The following UST variants were observed in gnomAD, a reference collection of about 807,000 sequenced individuals.
The protein encoded by UST is chondroitin sulfate 2-O-sulfotransferase.
A neutral mutation model predicts 45.6 loss-of-function variants in UST; 21 were observed. The observed-to-expected ratio is 0.46, with a 90% CI of 0.33 to 0.66. The LOEUF is 0.66. Ranked by LOEUF, UST falls within the 30% of genes least tolerant of loss-of-function variation. UST has a pLI of 0.02. For synonymous variants in UST, 215 were observed against 200.6 expected (o/e 1.07, Z -0.61); for missense variants, 463 against 512.4 (o/e 0.90, Z 0.93).
chr6:149,071,018 G>A (rs563883965), intron 7 of UST, among the ~76,000 whole-genome samples: 86 of 152,244 alleles, frequency 5.6e-4, no homozygotes, highest in African/African-American at 1.9e-3. Flanking sequence ...CACCTGCCTC[G>A]TCCTCCCAAA....
At chr6:148,794,548 TA>T (rs1327845529) in intron 1 of UST, among the ~76,000 whole-genome samples, 2 of 152,208 alleles carry the variant, frequency 1.3e-5, no homozygotes, top group African/African-American at 4.8e-5. Context: ...CAACCTTTTT[TA>T]AAAAGTCAGT....
intron 1 of UST, among the ~76,000 whole-genome samples, chr6:148,760,444 C>A (rs1776192651): frequency 6.6e-6 from 1 of 152,140 alleles, no homozygotes; most frequent in African/African-American, 2.4e-5. Context: ...TCCTTTCTAG[C>A]CTCCATCCAT....
chr6:149,038,487 T>C (rs1383685263), intron 7 of UST, among the ~76,000 whole-genome samples: 1 of 151,884 alleles, frequency 6.6e-6, no homozygotes, highest in East Asian at 1.9e-4. Flanking sequence ...CAGCCACCCC[T>C]GGAAACTAGA....
intron 7 of UST, among the ~76,000 whole-genome samples, chr6:149,064,319 G>T (rs1363632926): frequency 1.3e-5 from 2 of 152,224 alleles, no homozygotes; most frequent in Non-Finnish European, 2.9e-5. Context: ...CCAGCTGTGT[G>T]AGCCTGCACA....
chr6:148,905,789 G>T (rs1441722788), intron 2 of UST, among the ~76,000 whole-genome samples: 1 of 152,194 alleles, frequency 6.6e-6, no homozygotes, highest in Non-Finnish European at 1.5e-5. Flanking sequence ...TCCTCTAAGA[G>T]GAAGGCAGCC....
intron 2 of UST, among the ~76,000 whole-genome samples, chr6:148,899,512 C>T (rs1779207595): frequency 6.6e-6 from 1 of 152,108 alleles, no homozygotes; most frequent in Non-Finnish European, 1.5e-5. Flanking sequence ...TATAGACTAG[C>T]AGGAAAAAAT....
chr6:148,864,063 T>C (rs1778375439), intron 1 of UST, among the ~76,000 whole-genome samples: 2 of 152,184 alleles, frequency 1.3e-5, no homozygotes, highest in Admixed American at 1.3e-4. Context: ...CTGCAGAGGT[T>C]TCTGCTGCCT....
At chr6:149,003,444 CAAA>C (rs59560602) in intron 5 of UST, among the ~76,000 whole-genome samples, 1 of 140,574 alleles carries the variant, frequency 7.1e-6, no homozygotes, top group East Asian at 2.1e-4. Context: ...AAAAACAAAA[CAAA>C]AAAAAAAAAC....
chr6:149,064,235 A>G (rs1776699550), intron 7 of UST, among the ~76,000 whole-genome samples: 1 of 152,196 alleles, frequency 6.6e-6, no homozygotes, highest in Admixed American at 6.5e-5. Context: ...TCCACTCGTC[A>G]GCAATGTGGA....
At chr6:148,895,818 TGTAAATTACCCAGTCTTG>T (rs1779117672) in intron 2 of UST, among the ~76,000 whole-genome samples, 1 of 152,252 alleles carries the variant, frequency 6.6e-6, no homozygotes, top group Non-Finnish European at 1.5e-5. Flanking sequence ...CTCTTTCTTT[TGTAAATTACCCAGTCTTG>T]GGTATGTCTT....
intron 1 of UST, among the ~76,000 whole-genome samples, chr6:148,792,687 G>C (rs1007586362): frequency 1.3e-5 from 2 of 152,088 alleles, no homozygotes; most frequent in Non-Finnish European, 2.9e-5. Flanking sequence ...CATTTTCTGG[G>C]ATCTATTTTA....
intron 2 of UST, among the ~76,000 whole-genome samples, chr6:148,922,763 A>C (rs1779737584): frequency 6.7e-6 from 1 of 148,510 alleles, no homozygotes; most frequent in South Asian, 2.1e-4. Flanking sequence ...ATGAGCCACC[A>C]TACCTGGCCT....
chr6:148,919,417 CGTGTGTGTGTGTGT>C (rs71007929), intron 2 of UST, among the ~76,000 whole-genome samples: 7 of 148,020 alleles, frequency 4.7e-5, no homozygotes, highest in South Asian at 2.1e-4. Flanking sequence ...GTGTCAGAGC[CGTGTGTGTGTGTGT>C]GTGTGTGTGT....
intron 5 of UST, chr6:149,005,731 G>A: frequency 1.6e-6 from 1 of 638,060 alleles, no homozygotes; most frequent in Non-Finnish European, 1.9e-6. Context: ...TCTTCTGTGT[G>A]CATTAATTTA....
At chr6:148,836,870 C>A (rs1195916500) in intron 1 of UST, among the ~76,000 whole-genome samples, 3 of 152,114 alleles carry the variant, frequency 2.0e-5, no homozygotes, top group Non-Finnish European at 4.4e-5. Context: ...GAAACAGATG[C>A]TCAACAGAGC....
At chr6:148,899,873 T>C (rs1411438446) in intron 2 of UST, among the ~76,000 whole-genome samples, 1 of 152,208 alleles carries the variant, frequency 6.6e-6, no homozygotes, top group African/African-American at 2.4e-5. Context: ...TTTAGCTCTT[T>C]CACTGCAGCT....
intron 2 of UST, among the ~76,000 whole-genome samples, chr6:148,908,540 T>A (rs1412631139): frequency 1.3e-5 from 2 of 152,242 alleles, no homozygotes; most frequent in African/African-American, 4.8e-5. Context: ...TTCTTTTGCT[T>A]ATTACATTTA....
chr6:149,048,634 G>T (rs1776428344), intron 7 of UST, among the ~76,000 whole-genome samples: 1 of 151,736 alleles, frequency 6.6e-6, no homozygotes, highest in Admixed American at 6.6e-5. Flanking sequence ...CAAAATATTT[G>T]CAACAATGAT....
In UST at chr6:148,866,310, T is replaced by G. The variant is rs1182933725; in HGVS notation, c.248-20676T>G. Among the ~76,000 whole-genome samples the G allele has an allele frequency of 2.6e-5, 4 of 152,280 alleles. No homozygotes were observed. The East Asian group carries it at 5.8e-4, about 22-fold the overall frequency. On this transcript the variant is annotated intron_variant, in intron 1 of 7. Coordinates refer to ENST00000367463, the MANE Select transcript of UST (RefSeq NM_005715.3). ...ATCTGCCCCTTTATTAAATTGCTGA[T>G]GTTATACAGACAGAAAAAACCAGTA...
Sources: allele counts gnomAD v4.1 joint callset (sites outside exome capture counted in the v4.1 genomes callset), GRCh38; gene constraint gnomAD v4.1.1; transcripts MANE v1.5; gene names NCBI Gene and HGNC (gene_info 2026-07-23, HGNC 2026-07-21).